Variants in TMEM190 observed in about 807,000 individuals in gnomAD.
TMEM190 encodes the protein transmembrane protein 190.
TMEM190 carries 17 observed loss-of-function variants against 17.1 expected under a neutral mutation model. The observed-to-expected ratio is 0.99, with a 90% confidence interval of 0.68 to 1.49. The LOEUF (loss-of-function observed/expected upper bound fraction) is 1.49. Among genes scored for constraint, TMEM190 ranks in the 40% most tolerant of loss-of-function variants. The pLI, the probability that TMEM190 is intolerant of heterozygous loss-of-function variation, is 0.00. For missense variants in TMEM190, 246 were observed against 245.0 expected (o/e 1.00, Z -0.03); for synonymous variants, 101 against 103.8 (o/e 0.97, Z 0.16).
Position 55,376,906 on chromosome 19 carries a change from C to G in TMEM190, c.53C>G (p.Ser18Trp), listed in dbSNP as rs1330004825. 1.3e-6 allele frequency: 2 copies of G among 1,578,152 alleles called. No individual in the cohort carries two copies. The highest frequency in any genetic ancestry group is 2.3e-5 in the East Asian group (1 of 43,482). The change falls in exon 1 of 5, where the codon TCG (serine) becomes TGG (tryptophan). Residue 18 changes from serine (S) to tryptophan (W), a missense_variant. Transcript: ENST00000291934. ...ALGLLLLLQG[S>W]ADGNGIQGFF... Reference sequence around the variant, plus strand: ...GGCCTGCTCCTGCTGCTGCAGGGCTCGGCAGGTGAGGGGCTGGTGAGGCGG... The same window carrying G: ...GGCCTGCTCCTGCTGCTGCAGGGCTGGGCAGGTGAGGGGCTGGTGAGGCGG...
intron 2 of TMEM190, 76 bp from the exon 3 acceptor site, chr19:55,377,517 G>A: frequency 6.5e-7 from 1 of 1,544,364 alleles, no homozygotes; most frequent in East Asian, 2.3e-5. Context: ...CTGGGAGCAT[G>A]GCCTTGGAAT....
Position 55,377,768 on chromosome 19 carries a change from A to G in TMEM190, c.221-34A>G, listed in dbSNP as rs1269487289. ...CTGGGGCGTGGGTCTGGCGGTCGGG[A>G]GCCCCGGGTCTTAACCCTGCCTCCC... On this transcript the variant is annotated intron_variant, in intron 3 of 4. Coordinates refer to ENST00000291934, the MANE Select transcript of TMEM190 (RefSeq NM_139172.3). 16 of 1,612,194 alleles carry G rather than the reference A, an allele frequency of 9.9e-6. No homozygotes were observed. In the East Asian group the frequency reaches 3.3e-4, roughly 34 times the overall value.
At chr19:55,377,272 G>A (rs2089859014) in intron 2 of TMEM190, among the ~76,000 whole-genome samples, 2 of 150,470 alleles carry the variant, frequency 1.3e-5, no homozygotes, top group Non-Finnish European at 3.0e-5. Context: ...GGGTGTGAGG[G>A]AGGAGGGGCT....
Position 55,377,875 on chromosome 19 carries a change from C to T in TMEM190, c.294C>T (p.Ile98=). ...CSGLLLLSCS[I]CLFWWAKRRD... ...GCCTCCTCCTCCTGAGCTGCAGCAT[C>T]TGCTTGTTCTGGCGAGTGGGCCTGG... The change falls in exon 4 of 5, where the codon ATC becomes ATT. Residue 98 remains isoleucine (I), a synonymous_variant. Coordinates refer to ENST00000291934, the MANE Select transcript of TMEM190 (RefSeq NM_139172.3). 6.2e-7 allele frequency: 1 copy of T among 1,609,552 alleles called. No homozygotes were observed. Among genetic ancestry groups the T allele is most frequent in the Non-Finnish European group, 8.5e-7 (1 of 1,179,814 alleles).
At chr19:55,376,932 G>A in intron 1 of TMEM190, 21 bp downstream of exon 1, 2 of 1,561,532 alleles carry the variant, frequency 1.3e-6, no homozygotes, top group Admixed American at 1.9e-5. Context: ...GGTGAGGCGG[G>A]GGAGCTGAGG....
At position 55,377,630 on chromosome 19, in the gene TMEM190, G is replaced by T; in HGVS notation, c.132G>T (p.Gly44=). 6.2e-7 allele frequency: 1 copy of T among 1,613,260 alleles called. No individual in the cohort carries two copies. The highest frequency in any genetic ancestry group is 8.5e-7 in the Non-Finnish European group (1 of 1,179,528). ...EGDIWDRESC[G]GQAAIDSPNL... Reference sequence around the variant, plus strand: ...ACATATGGGACCGGGAGAGCTGTGGGGGCCAGGCGGCCATCGATAGCCCCA... The same window carrying T: ...ACATATGGGACCGGGAGAGCTGTGGTGGCCAGGCGGCCATCGATAGCCCCA... Residue 44 remains glycine (G), a synonymous_variant, in exon 3 of 5, where the codon GGG becomes GGT. Transcript: ENST00000291934.
chr19:55,376,988 C>A lies in TMEM190; in HGVS notation c.59-3C>A. On this transcript the variant is annotated splice_region_variant and splice_polypyrimidine_tract_variant and intron_variant, in intron 1 of 4. Transcript: ENST00000291934. ...AGCCCTAACACTGCCCTTTCTCTCG[C>A]AGACGGAAATGGAATCCAGGGATTC... The A allele has an allele frequency of 6.4e-7, 1 of 1,551,676 alleles. No individual in the cohort carries two copies. Among genetic ancestry groups the A allele is most frequent in the Non-Finnish European group, 8.7e-7 (1 of 1,147,058 alleles).
In TMEM190 at chr19:55,377,884, C is replaced by A. The variant is rs902025428; in HGVS notation, c.303C>A (p.Phe101Leu). 2 of 1,608,876 alleles carry A rather than the reference C, an allele frequency of 1.2e-6. No individual in the cohort carries two copies. Among genetic ancestry groups the A allele is most frequent in the African/African-American group, 2.7e-5 (2 of 74,874 alleles). ...LLLLSCSICL[F>L]WWAKRRDVLH... is the part of the protein sequence containing the mutation. ...TCCTGAGCTGCAGCATCTGCTTGTT[C>A]TGGCGAGTGGGCCTGGGATAGGGCG... Residue 101 changes from phenylalanine (F) to leucine (L), a missense_variant and splice_region_variant, in exon 4 of 5, where the codon TTC becomes TTA. Transcript: ENST00000291934.
At position 55,377,574 on chromosome 19, in the gene TMEM190, A is replaced by G; in HGVS notation, c.95-19A>G. The G allele has an allele frequency of 1.3e-6, 2 of 1,596,214 alleles. No individual in the cohort carries two copies. The highest frequency in any genetic ancestry group is 1.7e-6 in the Non-Finnish European group (2 of 1,171,200). ...GCGGAGCGCTGTGATGAAGCAAGCCACTGGTGGTTGGTCCCCAGGCTGTGA... is the reference window on the plus strand; with the variant it reads ...GCGGAGCGCTGTGATGAAGCAAGCCGCTGGTGGTTGGTCCCCAGGCTGTGA... On this transcript the variant is annotated intron_variant, in intron 2 of 4. Coordinates refer to ENST00000291934, the MANE Select transcript of TMEM190 (RefSeq NM_139172.3).
chr19:55,376,843 G>A lies in TMEM190; in HGVS notation c.-11G>A. The A allele has an allele frequency of 6.4e-7, 1 of 1,556,510 alleles. No homozygotes were observed. The highest frequency in any genetic ancestry group is 1.9e-5 in the Admixed American group (1 of 52,288). ...CTTCCCACAGTGGCCCCAGGGGTCT[G>A]GGGAGGTGACATGTTGGGCTGTGGG... On this transcript the variant is annotated 5_prime_UTR_variant, in exon 1 of 5. Coordinates refer to ENST00000291934, the MANE Select transcript of TMEM190 (RefSeq NM_139172.3).
chr19:55,377,843 T>A lies in TMEM190; in HGVS notation c.262T>A (p.Cys88Ser). ...RKHMWALVWT[C>S]SGLLLLSCSI... ...GCACATGTGGGCGCTGGTCTGGACG[T>A]GCAGCGGCCTCCTCCTCCTGAGCTG... The change falls in exon 4 of 5, where the codon TGC becomes AGC. Residue 88 changes from cysteine to serine, a missense_variant. Physicochemically the swap from Cys to Ser is moderately radical, Grantham distance 112 (BLOSUM62 -1). Coordinates refer to ENST00000291934, the MANE Select transcript of TMEM190 (RefSeq NM_139172.3). The A allele has an allele frequency of 6.2e-7, 1 of 1,610,988 alleles. No individual in the cohort carries two copies. The highest frequency in any genetic ancestry group is 2.2e-5 in the East Asian group (1 of 44,784).
At chr19:55,377,264 G>A (rs2089858870) in intron 2 of TMEM190, among the ~76,000 whole-genome samples, 1 of 149,112 alleles carries the variant, frequency 6.7e-6, no homozygotes, top group African/African-American at 2.5e-5. Context: ...GGACTCCTGG[G>A]TGTGAGGGAG....
In TMEM190 at chr19:55,378,034, TGTCCAA is replaced by T; in HGVS notation, c.370_375del (p.Lys124_Ser125del). The T allele has an allele frequency of 6.2e-7, 1 of 1,612,624 alleles. No homozygotes were observed. The highest frequency in any genetic ancestry group is 8.5e-7 in the Non-Finnish European group (1 of 1,179,780). ...GGTTTCCTGGCGGGTCCGTGTGACA[TGTCCAA>T]GTCCGTCTCGCTGCTCTCCAAGCAC... On this transcript the variant is annotated inframe_deletion, in exon 5 of 5. Coordinates refer to ENST00000291934, the MANE Select transcript of TMEM190 (RefSeq NM_139172.3).
At chr19:55,377,921 C>A (rs752991149) in intron 4 of TMEM190, 35 bp downstream of exon 4, 5 of 1,606,564 alleles carry the variant, frequency 3.1e-6, no homozygotes, top group East Asian at 2.2e-5. Flanking sequence ...GCGCCTGCAC[C>A]CCCAGGGGGA....
chr19:55,377,817 A>G lies in TMEM190; in HGVS notation c.236A>G (p.Lys79Arg). 2 of 1,611,974 alleles carry G rather than the reference A, an allele frequency of 1.2e-6. No individual in the cohort carries two copies. The highest frequency in any genetic ancestry group is 1.7e-6 in the Non-Finnish European group (2 of 1,179,764). Residue 79 changes from lysine to arginine, a missense_variant, in exon 4 of 5, where the codon AAG (lysine) becomes AGG (arginine). By Grantham distance (26) the Lys-to-Arg change is conservative. Coordinates refer to ENST00000291934, the MANE Select transcript of TMEM190 (RefSeq NM_139172.3). Reference protein sequence around the residue: ...HQRPDENVRRKHMWALVWTCS... With the variant: ...HQRPDENVRRRHMWALVWTCS... ...CCTTGTCCAGAAAACGTGCGGAGGAAGCACATGTGGGCGCTGGTCTGGACG... is the reference window on the plus strand; with the variant it reads ...CCTTGTCCAGAAAACGTGCGGAGGAGGCACATGTGGGCGCTGGTCTGGACG...
In TMEM190 at chr19:55,377,850, G is replaced by T. The variant is rs1349084196; in HGVS notation, c.269G>T (p.Gly90Val). Residue 90 changes from glycine to valine, a missense_variant, in exon 4 of 5, where the codon GGC becomes GTC. Gly to Val is a moderately radical substitution (Grantham distance 109). Coordinates refer to ENST00000291934, the MANE Select transcript of TMEM190 (RefSeq NM_139172.3). ...HMWALVWTCS[G>V]LLLLSCSICL... ...TGGGCGCTGGTCTGGACGTGCAGCG[G>T]CCTCCTCCTCCTGAGCTGCAGCATC... 8.7e-6 allele frequency: 14 copies of T among 1,610,536 alleles called. No homozygotes were observed. The highest frequency in any genetic ancestry group is 1.2e-5 in the Non-Finnish European group (14 of 1,179,842).
chr19:55,378,098 C>T lies in TMEM190; in HGVS notation c.429C>T (p.Ser143=), dbSNP rs1389019797. 16 of 1,607,970 alleles carry T rather than the reference C, an allele frequency of 1.0e-5. No homozygotes were observed. The East Asian group carries it at 1.1e-4, about 11-fold the overall frequency. The part of the protein sequence containing the change: ...RGTKKTPSTG[S]VPVALSKESR... Reference sequence around the variant, plus strand: ...CCAAGAAGACGCCGTCCACGGGCAGCGTGCCAGTCGCCCTGTCCAAAGAGT... The same window carrying T: ...CCAAGAAGACGCCGTCCACGGGCAGTGTGCCAGTCGCCCTGTCCAAAGAGT... Residue 143 remains serine, a synonymous_variant, in exon 5 of 5, where the codon AGC becomes AGT. Coordinates refer to ENST00000291934, the MANE Select transcript of TMEM190 (RefSeq NM_139172.3).
At position 55,377,620 on chromosome 19, in the gene TMEM190, A is replaced by T. The variant is rs1437416018; in HGVS notation, c.122A>T (p.Glu41Val). The T allele has an allele frequency of 1.2e-6, 2 of 1,612,734 alleles. No individual in the cohort carries two copies. The highest frequency in any genetic ancestry group is 3.3e-5 in the Admixed American group (2 of 59,858). ...WSCEGDIWDR[E>V]SCGGQAAIDS... ...TGTGAGGGTGACATATGGGACCGGG[A>T]GAGCTGTGGGGGCCAGGCGGCCATC... is the stretch of plus-strand genomic sequence containing the variant. The change falls in exon 3 of 5, where the codon GAG (glutamate) becomes GTG (valine). Residue 41 changes from glutamate (E) to valine (V), a missense_variant. By Grantham distance (121) the Glu-to-Val change is moderately radical. Transcript: ENST00000291934.
Position 55,377,691 on chromosome 19 carries a change from G to A in TMEM190, c.193G>A (p.Gly65Arg). The change falls in exon 3 of 5, where the codon GGG becomes AGG. Residue 65 changes from glycine to arginine, a missense_variant. Coordinates refer to ENST00000291934, the MANE Select transcript of TMEM190 (RefSeq NM_139172.3). ...GCGTCTCCGGTGCTGCTACCGCAAT[G>A]GGGTCTGCTACCACCAGCGTCCAGA... Reference protein sequence around the residue: ...CLRLRCCYRNGVCYHQRPDEN... With the variant: ...CLRLRCCYRNRVCYHQRPDEN... The A allele has an allele frequency of 6.2e-7, 1 of 1,613,262 alleles. No homozygotes were observed. The highest frequency in any genetic ancestry group is 1.1e-5 in the South Asian group (1 of 91,008).
Sources: gnomAD v4.1 joint callset for allele counts (sites outside exome capture counted in the v4.1 genomes callset) on GRCh38, gnomAD v4.1.1 for gene constraint, MANE v1.5 for transcripts, NCBI Gene and HGNC (gene_info 2026-07-23, HGNC 2026-07-21) for gene names.